Variants in IFT81 observed in about 807,000 individuals in gnomAD.
IFT81 encodes the protein intraflagellar transport protein 81 homolog.
Under a neutral mutation model 102.6 loss-of-function variants are expected in IFT81, and 72 were observed. The observed-to-expected ratio is 0.70, with a 90% CI of 0.58 to 0.85. The LOEUF (loss-of-function observed/expected upper bound fraction) is 0.85. IFT81 is among the 40% of genes least tolerant of loss of function. The pLI, the probability that IFT81 is intolerant of heterozygous loss-of-function variation, is 0.00. For missense variants in IFT81, 723 were observed against 787.3 expected, an observed-to-expected ratio of 0.92 and a Z score of 0.98; for synonymous variants, 237 against 242.7, an observed-to-expected ratio of 0.98 and a Z score of 0.22.
chr12:110,213,815 C>T (rs542675288), intron 18 of IFT81, among the ~76,000 whole-genome samples: 61 of 152,180 alleles, frequency 4.0e-4, no homozygotes, highest in African/African-American at 1.5e-3. Flanking sequence ...TTATTAGTCC[C>T]ATTCGTACTC....
At position 110,204,155 on chromosome 12, in the gene IFT81, C is replaced by T. The variant is rs913470537; in HGVS notation, c.1644+205C>T. On this transcript the variant is annotated intron_variant, in intron 15 of 18. Coordinates refer to ENST00000242591, the MANE Select transcript of IFT81 (RefSeq NM_014055.4). Reference sequence around the variant, plus strand: ...TAAAAAAAATGTTTTAAATACTGCCCGTGTACGCACATTTTCACTACATCA... The same window carrying T: ...TAAAAAAAATGTTTTAAATACTGCCTGTGTACGCACATTTTCACTACATCA... 5 of 455,410 alleles carry T rather than the reference C, an allele frequency of 1.1e-5. No individual in the cohort carries two copies. In the Admixed American group the frequency reaches 1.1e-4, roughly 10 times the overall value. The allele number at this position is 455,410 out of a possible 1,614,324, so 28.2% of individuals were successfully genotyped here. A position where few individuals can be genotyped will look rare whatever the true frequency, so the allele number is the denominator to read the frequency against.
chr12:110,190,912 AC>A lies in IFT81; in HGVS notation c.1339-7del, dbSNP rs767190663. On this transcript the variant is annotated splice_region_variant and splice_polypyrimidine_tract_variant and intron_variant, in intron 12 of 18. Transcript: ENST00000242591. ...ATGTTTTGTGGCCTTTTTATTTTTT[AC>A]TTATAGCAAACTATGGAGGAGAAAA... 1 of 1,514,948 alleles carries A rather than the reference AC, an allele frequency of 6.6e-7. No homozygotes were observed. The highest frequency in any genetic ancestry group is 2.4e-5 in the East Asian group (1 of 41,150). 93.8% of individuals were successfully genotyped at this position (1,514,948 alleles called of 1,614,324 possible).
In IFT81 at chr12:110,218,108, T is replaced by C; in HGVS notation, c.1913T>C (p.Met638Thr). The part of the protein sequence containing the change: ...SHGPNMKQAK[M>T]WRDLEQLMEC... Reference sequence around the variant, plus strand: ...GGTCCAAATATGAAACAAGCAAAAATGTGGCGTGATTTGGAACAATTAATG... The same window carrying C: ...GGTCCAAATATGAAACAAGCAAAAACGTGGCGTGATTTGGAACAATTAATG... The change falls in exon 19 of 19, where the codon ATG (methionine) becomes ACG (threonine). Residue 638 changes from methionine (M) to threonine (T), a missense_variant. By Grantham distance (81) the Met-to-Thr change is moderately conservative. Transcript: ENST00000242591. The C allele has an allele frequency of 6.2e-7, 1 of 1,603,102 alleles. No homozygotes were observed. The highest frequency in any genetic ancestry group is 1.7e-4 in the Middle Eastern group (1 of 6,016).
chr12:110,208,714 T>C (rs916474013), intron 17 of IFT81, among the ~76,000 whole-genome samples: 13 of 152,214 alleles, frequency 8.5e-5, no homozygotes, highest in African/African-American at 3.1e-4. Flanking sequence ...ATTGATGAAA[T>C]AAATAGTCTG....
chr12:110,189,375 G>GTCTCA (rs1897689947), intron 12 of IFT81, among the ~76,000 whole-genome samples: 1 of 151,806 alleles, frequency 6.6e-6, no homozygotes, highest in Non-Finnish European at 1.5e-5. Flanking sequence ...TTGAGACAGA[G>GTCTCA]TCTCACTCTT....
At chr12:110,180,147 T>G (rs1174168892) in intron 11 of IFT81, among the ~76,000 whole-genome samples, 1 of 151,850 alleles carries the variant, frequency 6.6e-6, no homozygotes, top group Non-Finnish European at 1.5e-5. Flanking sequence ...CATAACTGAA[T>G]AGGCCCTGCA....
intron 18 of IFT81, among the ~76,000 whole-genome samples, chr12:110,212,054 T>C (rs1411713456): frequency 2.0e-5 from 3 of 152,210 alleles, no homozygotes; most frequent in African/African-American, 7.2e-5. Context: ...ACATTGGTGA[T>C]GGCAAAGTTA....
At chr12:110,177,818 G>A (rs964933959) in intron 11 of IFT81, among the ~76,000 whole-genome samples, 1 of 152,108 alleles carries the variant, frequency 6.6e-6, no homozygotes, top group Admixed American at 6.5e-5. Context: ...GGAAAAGCCG[G>A]GCGCAGTGGC....
Position 110,218,166 on chromosome 12 carries a change from A to G in IFT81, c.1971A>G (p.Gln657=). 1 of 1,587,132 alleles carries G rather than the reference A, an allele frequency of 6.3e-7. No homozygotes were observed. ...AGAAACAGTGCTTTCTGAAACAACA[A>G]AGCCAAACTTCCATTGGTCAGGTAA... The part of the protein sequence containing the change: ...ECKKQCFLKQ[Q]SQTSIGQVIQ... The change falls in exon 19 of 19, where the codon CAA becomes CAG. Residue 657 remains glutamine, a synonymous_variant. Coordinates refer to ENST00000242591, the MANE Select transcript of IFT81 (RefSeq NM_014055.4).
At chr12:110,152,844 A>G (rs1322845314) in intron 10 of IFT81, among the ~76,000 whole-genome samples, 2 of 152,114 alleles carry the variant, frequency 1.3e-5, no homozygotes, top group African/African-American at 4.8e-5. Flanking sequence ...TCCCGCCTGG[A>G]CTTCCCAAAG....
intron 18 of IFT81, among the ~76,000 whole-genome samples, chr12:110,214,395 A>G (rs1233099544): frequency 2.0e-5 from 3 of 152,040 alleles, no homozygotes; most frequent in African/African-American, 7.2e-5. Flanking sequence ...TTAATCCTCA[A>G]ACTTCTAGAG....
At chr12:110,144,660 G>A (rs1190620666) in intron 9 of IFT81, among the ~76,000 whole-genome samples, 3 of 151,166 alleles carry the variant, frequency 2.0e-5, no homozygotes, top group African/African-American at 7.3e-5. Context: ...ACAGATATGT[G>A]CCACCATGCC....
intron 10 of IFT81, among the ~76,000 whole-genome samples, chr12:110,153,701 C>T (rs888854582): frequency 1.3e-5 from 2 of 150,224 alleles, no homozygotes; most frequent in Non-Finnish European, 3.0e-5. Context: ...ACCTCCGCCT[C>T]TCAGGTTTAA....
intron 11 of IFT81, among the ~76,000 whole-genome samples, chr12:110,177,525 C>T (rs1000849120): frequency 6.6e-6 from 1 of 152,142 alleles, no homozygotes; most frequent in Non-Finnish European, 1.5e-5. Context: ...CTCACGCAGT[C>T]CCCCCACCTC....
At position 110,143,569 on chromosome 12, in the gene IFT81, A is replaced by G. The variant is rs760215363; in HGVS notation, c.945+24A>G. On this transcript the variant is annotated intron_variant, in intron 9 of 18. Coordinates refer to ENST00000242591, the MANE Select transcript of IFT81 (RefSeq NM_014055.4). ...AAGTAAGTGAGAATCATCTTTTTAT[A>G]GCTCTCAATTTTATCTGATCCCCAG... 3.9e-6 allele frequency: 6 copies of G among 1,518,994 alleles called. No homozygotes were observed. In the East Asian group the frequency reaches 1.2e-4, roughly 31 times the overall value. The allele number at this position is 1,518,994 out of a possible 1,614,324, so 94.1% of individuals were successfully genotyped here.
At chr12:110,204,415 C>T (rs994008521) in intron 15 of IFT81, 1 of 154,734 alleles carries the variant, frequency 6.5e-6, no homozygotes, top group Non-Finnish European at 1.4e-5. Flanking sequence ...AAATTTTTGC[C>T]ACCCTTCATT....
At position 110,209,394 on chromosome 12, in the gene IFT81, T is replaced by G. The variant is rs117991666; in HGVS notation, c.1848+178T>G. On this transcript the variant is annotated intron_variant, in intron 18 of 18. Coordinates refer to ENST00000242591, the MANE Select transcript of IFT81 (RefSeq NM_014055.4). ...AGAATTTAGTTTTACAGAAATAAAG[T>G]CACGATGGATTTTTGAAAGAAAAAA... 7.0e-3 allele frequency among the ~76,000 whole-genome samples: 1,063 copies of G among 152,296 alleles called. 1 individual carries two copies. Among genetic ancestry groups the G allele is most frequent in the Non-Finnish European group, 9.5e-3 (643 of 68,024 alleles).
chr12:110,163,078 A>G lies in IFT81; in HGVS notation c.1188+13A>G, dbSNP rs774165547. 2 of 1,610,820 alleles carry G rather than the reference A, an allele frequency of 1.2e-6. No homozygotes were observed. The highest frequency in any genetic ancestry group is 1.7e-6 in the Non-Finnish European group (2 of 1,177,760). ...AAAGGGAGATGAGGTAAGCTGAGCC[A>G]TCTCATGGGACAAGGGTATGAGTAT... On this transcript the variant is annotated intron_variant, in intron 11 of 18. Transcript: ENST00000242591.
chr12:110,190,136 T>G (rs1006382633), intron 12 of IFT81, among the ~76,000 whole-genome samples: 3 of 152,184 alleles, frequency 2.0e-5, no homozygotes, highest in Non-Finnish European at 4.4e-5. Context: ...AGCTCTTTCA[T>G]CAGCTTAAAA....
Sources: allele counts gnomAD v4.1 joint callset (sites outside exome capture counted in the v4.1 genomes callset), GRCh38; gene constraint gnomAD v4.1.1; transcripts MANE v1.5; gene names NCBI Gene and HGNC (gene_info 2026-07-23, HGNC 2026-07-21).